ZNF536: variants seen among roughly 807,000 people sequenced by gnomAD.
ZNF536 encodes the protein zinc finger protein 536.
A neutral mutation model predicts 84.5 loss-of-function variants in ZNF536; 13 were observed. The ratio of observed to expected loss-of-function variants is 0.15; its 90% CI spans 0.10 to 0.24. The LOEUF (loss-of-function observed/expected upper bound fraction) is 0.24. ZNF536 is among the 10% of genes least tolerant of loss of function. The pLI is 1.00. For missense variants in ZNF536, 1,536 were observed against 1,747.5 expected, an observed-to-expected ratio of 0.88 and a Z score of 2.16; for synonymous variants, 811 against 742.5, an observed-to-expected ratio of 1.09 and a Z score of -1.50.
chr19:30,255,101 G>A (rs1388046659), intron 1 of ZNF536, among the ~76,000 whole-genome samples: 18 of 152,128 alleles, frequency 1.2e-4, no homozygotes, highest in Admixed American at 1.1e-3. Flanking sequence ...ATTTAGCACC[G>A]TGTGGCATAA....
At chr19:30,302,549 C>T (rs1237613440) in intron 2 of ZNF536, among the ~76,000 whole-genome samples, 1 of 152,140 alleles carries the variant, frequency 6.6e-6, no homozygotes, top group Non-Finnish European at 1.5e-5. Flanking sequence ...ACAGCAGACA[C>T]AGGACAAGAA....
intron 3 of ZNF536, among the ~76,000 whole-genome samples, chr19:30,361,751 C>A (rs1193945503): frequency 7.3e-6 from 1 of 137,438 alleles, no homozygotes; most frequent in Non-Finnish European, 1.5e-5. Context: ...ACGTAAATTT[C>A]TTCTGCCACG....
At chr19:30,512,304 G>A (rs1215039069) in intron 2 of ZNF536, among the ~76,000 whole-genome samples, 3 of 152,100 alleles carry the variant, frequency 2.0e-5, no homozygotes, top group South Asian at 4.2e-4. Context: ...CCCGAATGTC[G>A]TTTTCCTTAA....
chr19:30,503,995 T>C (rs2055056018), intron 2 of ZNF536, among the ~76,000 whole-genome samples: 1 of 151,982 alleles, frequency 6.6e-6, no homozygotes, highest in South Asian at 2.1e-4. Context: ...TAAAAGAAAC[T>C]CCAGTTGGGA....
intron 3 of ZNF536, among the ~76,000 whole-genome samples, chr19:30,546,036 C>T (rs1418764582): frequency 1.3e-5 from 2 of 152,194 alleles, no homozygotes; most frequent in Admixed American, 1.3e-4. Context: ...GGTAGGCTTG[C>T]CTGCTGTGGG....
chr19:30,357,508 G>A (rs2048134979), intron 3 of ZNF536, among the ~76,000 whole-genome samples: 1 of 152,128 alleles, frequency 6.6e-6, no homozygotes. Flanking sequence ...CCCTTTTCGG[G>A]TGCGGAGATG....
At chr19:30,589,530 T>G (rs937164620) in intron 1 of ZNF536, among the ~76,000 whole-genome samples, 1 of 152,196 alleles carries the variant, frequency 6.6e-6, no homozygotes, top group African/African-American at 2.4e-5. Flanking sequence ...CTGGCAGCCC[T>G]CAGGTTATGG....
chr19:30,476,899 C>T (rs1414720359), intron 2 of ZNF536, among the ~76,000 whole-genome samples: 1 of 152,136 alleles, frequency 6.6e-6, no homozygotes, highest in Non-Finnish European at 1.5e-5. Flanking sequence ...TCTGTCACTC[C>T]TCAGAATGCT....
At chr19:30,652,498 G>A (rs566742015) in intron 1 of ZNF536, among the ~76,000 whole-genome samples, 34 of 152,296 alleles carry the variant, frequency 2.2e-4, no homozygotes, top group African/African-American at 7.0e-4. Context: ...CTGCTGACGA[G>A]GCCTGGGGAT....
At chr19:30,245,902 C>T (rs114044752) in intron 1 of ZNF536, among the ~76,000 whole-genome samples, 54 of 152,316 alleles carry the variant, frequency 3.5e-4, no homozygotes, top group Middle Eastern at 3.4e-3. Context: ...ACGTTGGGCA[C>T]GGAGCGTTGG....
chr19:30,704,696 C>G (rs1332149202), intron 1 of ZNF536, among the ~76,000 whole-genome samples: 1 of 150,546 alleles, frequency 6.6e-6, no homozygotes, highest in Non-Finnish European at 1.5e-5. Flanking sequence ...GAGCAGGCCA[C>G]TGAGGGGCTG....
chr19:30,379,789 C>A (rs2048954562), intron 1 of ZNF536, among the ~76,000 whole-genome samples: 2 of 152,052 alleles, frequency 1.3e-5, no homozygotes, highest in South Asian at 4.1e-4. Context: ...GCTGATGCAG[C>A]TTTGCAAAGC....
intron 1 of ZNF536, among the ~76,000 whole-genome samples, chr19:30,409,058 TCATC>T (rs796160207): frequency 5.9e-4 from 89 of 151,048 alleles, no homozygotes; most frequent in African/African-American, 2.0e-3. Flanking sequence ...ATCCATCCAC[TCATC>T]CATCCATCCA....
intron 2 of ZNF536, among the ~76,000 whole-genome samples, chr19:30,465,578 T>C (rs979933474): frequency 7.9e-5 from 12 of 152,222 alleles, no homozygotes; most frequent in Admixed American, 2.0e-4. Context: ...GTAAACACTT[T>C]TTTAAAATGT....
intron 2 of ZNF536, among the ~76,000 whole-genome samples, chr19:30,344,941 A>G (rs1390664077): frequency 6.6e-6 from 1 of 152,138 alleles, no homozygotes; most frequent in Non-Finnish European, 1.5e-5. Flanking sequence ...TCTGTGGGAG[A>G]CACAGATTGG....
intron 2 of ZNF536, among the ~76,000 whole-genome samples, chr19:30,511,152 A>G (rs1316186886): frequency 6.6e-6 from 1 of 152,082 alleles, no homozygotes; most frequent in Non-Finnish European, 1.5e-5. Flanking sequence ...GAGCATCCGG[A>G]AGGTGATGTG....
chr19:30,653,420 A>G (rs1033176736), intron 1 of ZNF536, among the ~76,000 whole-genome samples: 8 of 152,194 alleles, frequency 5.3e-5, no homozygotes, highest in African/African-American at 1.9e-4. Context: ...TGAAACTTGA[A>G]GAGTGGCCTG....
In ZNF536 at chr19:30,592,289, CTG is replaced by C. The variant is rs576089152; in HGVS notation, c.169+42777_169+42778del. Reference sequence around the variant, plus strand: ...TTTCAAGTAGTAGGATATGGAGAGACTGTTTAAATTAAGGGGTACCCAACACC... The same window carrying C: ...TTTCAAGTAGTAGGATATGGAGAGACTTTAAATTAAGGGGTACCCAACACC... On this transcript the variant is annotated intron_variant, in intron 1 of 1. Transcript: ENST00000592773. 9.9e-5 allele frequency among the ~76,000 whole-genome samples: 15 copies of C among 152,252 alleles called. No homozygotes were observed. In the East Asian group the frequency reaches 2.7e-3, roughly 27 times the overall value.
At chr19:30,655,263 C>T (rs945526810) in intron 1 of ZNF536, among the ~76,000 whole-genome samples, 6 of 152,150 alleles carry the variant, frequency 3.9e-5, no homozygotes, top group African/African-American at 7.2e-5. Context: ...TAGGGGTAGC[C>T]GGGTGACTGC....
Sources: allele counts gnomAD v4.1 joint callset (sites outside exome capture counted in the v4.1 genomes callset), GRCh38; gene constraint gnomAD v4.1.1; transcripts MANE v1.5; gene names NCBI Gene and HGNC (gene_info 2026-07-23, HGNC 2026-07-21).